The following CMKLR2 variants were observed in gnomAD, a reference collection of about 807,000 sequenced individuals.
CMKLR2 encodes chemerin-like receptor 2.
In CMKLR2, 18 loss-of-function variants were observed where a neutral mutation model predicts 23.0. The ratio of observed to expected loss-of-function variants is 0.78; its 90% confidence interval spans 0.54 to 1.16. The LOEUF (loss-of-function observed/expected upper bound fraction) is 1.16, where lower values mean the gene tolerates loss of function less well. CMKLR2 is among the 50% of genes most tolerant of loss of function. The probability of loss-of-function intolerance (pLI) is 0.00; values close to 1 mark genes in which losing one functional copy is unlikely to be tolerated. For synonymous variants in CMKLR2, 158 were observed against 158.9 expected, an observed-to-expected ratio of 0.99 and a Z score of 0.05; for missense variants, 401 against 412.7, an observed-to-expected ratio of 0.97 and a Z score of 0.25.
chr2:206,203,366 C>T (rs1383695400), intron 1 of CMKLR2: 1 of 150,382 alleles, frequency 6.6e-6, no homozygotes, highest in Non-Finnish European at 1.5e-5. Context: ...CAGCCCAACA[C>T]CGGTGTCTTG....
chr2:206,198,781 T>C lies in CMKLR2; in HGVS notation c.-29+14526A>G, dbSNP rs184179737. 2.0e-5 allele frequency among the ~76,000 whole-genome samples: 3 copies of C among 152,230 alleles called. No individual in the cohort carries two copies. The East Asian group carries it at 5.8e-4, about 29-fold the overall frequency. ...ATGGCAAAGTCTTACTGCTTTCTTT[T>C]CCCCCCAGGAAATATTCTATTCAAA... On this transcript the variant is annotated intron_variant, in intron 1 of 1. Transcript: ENST00000621141.
Position 206,184,575 on chromosome 2 carries a change from G to T in CMKLR2, c.-28-7300C>A, listed in dbSNP as rs142984917. Among the ~76,000 whole-genome samples, 1,218 of 152,156 alleles carry T rather than the reference G, an allele frequency of 8.0e-3. 19 individuals carry two copies. Among genetic ancestry groups the T allele is most frequent in the Non-Finnish European group, 0.011 (741 of 67,990 alleles). The stretch of plus-strand genomic sequence containing the variant: ...CTCCCAAAGTGCTGGGATTACAGGT[G>T]TGAGCCACCGTGCCCAACCTAGACC... On this transcript the variant is annotated intron_variant, in intron 1 of 1. Coordinates refer to ENST00000621141, the MANE Select transcript of CMKLR2 (RefSeq NM_001389445.1).
At chr2:206,186,012 C>G (rs1688566327) in intron 1 of CMKLR2, among the ~76,000 whole-genome samples, 1 of 152,028 alleles carries the variant, frequency 6.6e-6, no homozygotes, top group East Asian at 1.9e-4. Context: ...CAGAGCTGCC[C>G]TACTTTTCTG....
upstream of CMKLR2, among the ~76,000 whole-genome samples, chr2:206,216,570 C>A (rs374975189): frequency 6.6e-6 from 1 of 152,148 alleles, no homozygotes; most frequent in East Asian, 1.9e-4. Flanking sequence ...GTATGGGCCA[C>A]CATGCCTGGT....
chr2:206,176,333 G>A lies in CMKLR2; in HGVS notation c.915C>T (p.Val305=), dbSNP rs1688208582. The A allele has an allele frequency of 6.2e-7, 1 of 1,614,012 alleles. No individual in the cohort carries two copies. Residue 305 remains valine (V), a synonymous_variant, in exon 2 of 2, where the codon GTC becomes GTT. Coordinates refer to ENST00000621141, the MANE Select transcript of CMKLR2 (RefSeq NM_001389445.1). ...GAGCTTGGAACTTCTTACTAATTAG[G>A]ACATAAAGGATGGGGTTCAAGCAAC... ...LNSCLNPILY[V]LISKKFQARF...
At chr2:206,205,304 C>CT (rs1484833024) in intron 1 of CMKLR2, among the ~76,000 whole-genome samples, 1 of 152,008 alleles carries the variant, frequency 6.6e-6, no homozygotes, top group Non-Finnish European at 1.5e-5. Flanking sequence ...AATAGCTAAA[C>CT]TTTTTTTTAA....
At chr2:206,215,178 C>A (rs1689714745), upstream of CMKLR2, among the ~76,000 whole-genome samples, 1 of 152,176 alleles carries the variant, frequency 6.6e-6, no homozygotes, top group African/African-American at 2.4e-5. Context: ...TACCCGCAAT[C>A]CCTTGATTCA....
chr2:206,211,677 C>G (rs983346295), intron 1 of CMKLR2, among the ~76,000 whole-genome samples: 1 of 151,332 alleles, frequency 6.6e-6, no homozygotes, highest in Non-Finnish European at 1.5e-5. Flanking sequence ...CTTGTTTTCC[C>G]GTAAGTGCCC....
At chr2:206,206,288 G>A (rs1038515501) in intron 1 of CMKLR2, among the ~76,000 whole-genome samples, 2 of 152,130 alleles carry the variant, frequency 1.3e-5, no homozygotes, top group African/African-American at 4.8e-5. Flanking sequence ...AAAGGTGGAT[G>A]GTTTTATTTT....
intron 1 of CMKLR2, among the ~76,000 whole-genome samples, chr2:206,206,196 T>C (rs1422204199): frequency 7.9e-5 from 12 of 152,250 alleles, no homozygotes; most frequent in Non-Finnish European, 1.8e-4. Context: ...ATCTAAATTT[T>C]TCCCAACTTG....
At chr2:206,182,706 T>C (rs1356661991) in intron 1 of CMKLR2, among the ~76,000 whole-genome samples, 1 of 151,994 alleles carries the variant, frequency 6.6e-6, no homozygotes, top group East Asian at 1.9e-4. Flanking sequence ...ATGCAACCTT[T>C]GTCCCCCGAG....
At chr2:206,214,679 A>C (rs1016863526), upstream of CMKLR2, among the ~76,000 whole-genome samples, 1 of 151,974 alleles carries the variant, frequency 6.6e-6, no homozygotes. Context: ...GATGGAGTGC[A>C]GTGGCACGAT....
chr2:206,213,029 C>T (rs1337109459), intron 1 of CMKLR2, among the ~76,000 whole-genome samples: 1 of 152,114 alleles, frequency 6.6e-6, no homozygotes, highest in East Asian at 1.9e-4. Flanking sequence ...GTTCTTTGTC[C>T]GCCCACCCCA....
chr2:206,207,148 A>AAT (rs1477631697), intron 1 of CMKLR2, among the ~76,000 whole-genome samples: 2 of 55,126 alleles, frequency 3.6e-5, no homozygotes, highest in African/African-American at 1.4e-4. Context: ...TGTTGCTTAT[A>AAT]ATTTTTTTTT....
chr2:206,208,399 G>A (rs556653706), intron 1 of CMKLR2, among the ~76,000 whole-genome samples: 11 of 152,130 alleles, frequency 7.2e-5, no homozygotes, highest in African/African-American at 2.7e-4. Context: ...AAGTAGCCAG[G>A]CATGGTGGTA....
chr2:206,176,825 A>C lies in CMKLR2; in HGVS notation c.423T>G (p.His141Gln). 1.2e-6 allele frequency: 2 copies of C among 1,614,172 alleles called. No homozygotes were observed. The highest frequency in any genetic ancestry group is 1.7e-6 in the Non-Finnish European group (2 of 1,180,022). The change falls in exon 2 of 2, where the codon CAT becomes CAG. Residue 141 changes from histidine to glutamine, a missense_variant. By Grantham distance (24) the His-to-Gln change is conservative. Coordinates refer to ENST00000621141, the MANE Select transcript of CMKLR2 (RefSeq NM_001389445.1). The stretch of plus-strand genomic sequence containing the variant: ...TTCGATGCCGATGAGATAAGACAGG[A>C]TGGATCAAGTGGATATAGTGGTCCA... Reference protein sequence around the residue: ...ISLDHYIHLIHPVLSHRHRTL... With the variant: ...ISLDHYIHLIQPVLSHRHRTL...
At chr2:206,182,776 C>T (rs1468907189) in intron 1 of CMKLR2, among the ~76,000 whole-genome samples, 2 of 152,192 alleles carry the variant, frequency 1.3e-5, no homozygotes, top group East Asian at 1.9e-4. Flanking sequence ...GCCACCATGC[C>T]CCGCTAATTT....
chr2:206,206,730 A>C (rs543222202), intron 1 of CMKLR2, among the ~76,000 whole-genome samples: 51 of 152,308 alleles, frequency 3.3e-4, no homozygotes, highest in African/African-American at 1.2e-3. Context: ...AGTGCCTGGC[A>C]AACTGTAGGG....
chr2:206,202,775 A>G (rs1451660550), intron 1 of CMKLR2, among the ~76,000 whole-genome samples: 1 of 151,880 alleles, frequency 6.6e-6, no homozygotes, highest in African/African-American at 2.4e-5. Flanking sequence ...ACTACAAAAG[A>G]GGAGAACTCT....
Sources: gnomAD v4.1 joint callset for allele counts (sites outside exome capture counted in the v4.1 genomes callset) on GRCh38, gnomAD v4.1.1 for gene constraint, MANE v1.5 for transcripts, NCBI Gene and HGNC (gene_info 2026-07-23, HGNC 2026-07-21) for gene names.